Variants in XKR9 observed in about 807,000 individuals in gnomAD.
XKR9 encodes XK related 9.
A neutral mutation model predicts 32.0 loss-of-function variants in XKR9; 32 were observed. The observed-to-expected ratio is 1.00, with a 90% CI of 0.76 to 1.34. XKR9 has a LOEUF of 1.34. XKR9 is among the 40% of genes most tolerant of loss of function. The pLI is 0.00. For synonymous variants in XKR9, 168 were observed against 143.4 expected (o/e 1.17, Z -1.22); for missense variants, 546 against 429.7 (o/e 1.27, Z -2.39).
intron 2 of XKR9, among the ~76,000 whole-genome samples, chr8:70,775,236 TA>T (rs1158465749): frequency 4.6e-5 from 7 of 152,282 alleles, no homozygotes; most frequent in Admixed American, 2.6e-4. Flanking sequence ...AATTTTTTGG[TA>T]TTTTTTATGT....
At chr8:70,710,255 T>A (rs750814311) in intron 4 of XKR9, among the ~76,000 whole-genome samples, 5 of 152,220 alleles carry the variant, frequency 3.3e-5, no homozygotes, top group Non-Finnish European at 4.4e-5. Flanking sequence ...AGATTGAAAC[T>A]GGACTCCTTC....
At chr8:70,715,988 A>G (rs987278011) in intron 4 of XKR9, among the ~76,000 whole-genome samples, 3 of 152,090 alleles carry the variant, frequency 2.0e-5, no homozygotes, top group African/African-American at 7.2e-5. Context: ...TAAACCAAGA[A>G]AGATGATAGG....
At chr8:71,040,923 A>G in the XKR9 span, among the ~76,000 whole-genome samples, 1 of 152,192 alleles carries the variant, frequency 6.6e-6, no homozygotes, top group Non-Finnish European at 1.5e-5. Flanking sequence ...CAGAGTCCCC[A>G]AAGTAGAATT....
the XKR9 span, among the ~76,000 whole-genome samples, chr8:71,054,456 T>C: frequency 6.6e-6 from 1 of 152,184 alleles, no homozygotes; most frequent in Non-Finnish European, 1.5e-5. Flanking sequence ...ACATCTCTGC[T>C]CTGAGGTGAT....
chr8:70,799,203 G>C, the XKR9 span, among the ~76,000 whole-genome samples: 3 of 152,020 alleles, frequency 2.0e-5, no homozygotes, highest in South Asian at 6.2e-4. Flanking sequence ...TTTTTCATTT[G>C]TTTGGGTCAG....
At chr8:70,828,435 A>G in the XKR9 span, among the ~76,000 whole-genome samples, 5 of 152,168 alleles carry the variant, frequency 3.3e-5, no homozygotes, top group African/African-American at 9.7e-5. Context: ...AGTGTAATGT[A>G]TAAGAAAGAC....
the XKR9 span, among the ~76,000 whole-genome samples, chr8:71,039,245 G>C: frequency 1.3e-5 from 2 of 152,068 alleles, no homozygotes; most frequent in Non-Finnish European, 2.9e-5. Flanking sequence ...ACTTATAATG[G>C]GGTTACATCC....
the XKR9 span, among the ~76,000 whole-genome samples, chr8:70,854,356 C>T: frequency 6.6e-6 from 1 of 152,132 alleles, no homozygotes; most frequent in Non-Finnish European, 1.5e-5. Flanking sequence ...ATCCTTCGCC[C>T]ACTTGTTGAT....
rs1563477157 is a variant in XKR9 at position 70,776,923 on chromosome 8, T to TCTCTCTCTCTCTCTCTCTCTCTCTC, written n.353-12416_353-12415insCTCTCTCTCTCTCTCTCTCTCTCTC. On this transcript the variant is annotated intron_variant and non_coding_transcript_variant, in intron 2 of 3. Transcript: ENST00000520273. ...TGCATTTAGCAGGTTTTCTCTTTCT[T>TCTCTCTCTCTCTCTCTCTCTCTCTC]TCTCTCTCTCTCTCTCTCTCTCTCT... is the stretch of plus-strand genomic sequence containing the variant. Among the ~76,000 whole-genome samples, 17 of 59,616 alleles carry TCTCTCTCTCTCTCTCTCTCTCTCTC rather than the reference T, an allele frequency of 2.9e-4. 3 individuals carry two copies. Among genetic ancestry groups the TCTCTCTCTCTCTCTCTCTCTCTCTC allele is most frequent in the Non-Finnish European group, 4.8e-4 (15 of 31,116 alleles). 39.1% of individuals were successfully genotyped at this position (59,616 alleles called of 152,430 possible). A position where few individuals can be genotyped will look rare whatever the true frequency, so the allele number is the denominator to read the frequency against.
chr8:70,767,875 G>C (rs1013311706), intron 2 of XKR9, among the ~76,000 whole-genome samples: 3 of 152,066 alleles, frequency 2.0e-5, no homozygotes, highest in African/African-American at 2.4e-5. Context: ...CAAAAATCCA[G>C]CTCTTGGATT....
At chr8:70,921,448 T>G in the XKR9 span, among the ~76,000 whole-genome samples, 18 of 152,382 alleles carry the variant, frequency 1.2e-4, no homozygotes, top group Non-Finnish European at 2.2e-4. Context: ...GAATTGAGTT[T>G]AAACTGTCAG....
At chr8:70,957,686 C>T in the XKR9 span, among the ~76,000 whole-genome samples, 1 of 151,958 alleles carries the variant, frequency 6.6e-6, no homozygotes, top group Non-Finnish European at 1.5e-5. Flanking sequence ...GCTTCCAGCT[C>T]CATTCACATC....
At chr8:70,698,142 G>T (rs1438268195) in intron 3 of XKR9, among the ~76,000 whole-genome samples, 2 of 152,046 alleles carry the variant, frequency 1.3e-5, no homozygotes, top group Admixed American at 6.6e-5. Flanking sequence ...CCAGCTCCTG[G>T]ATTCATTAAT....
intron 3 of XKR9, among the ~76,000 whole-genome samples, chr8:70,690,765 T>C (rs1156490975): frequency 6.6e-6 from 1 of 152,220 alleles, no homozygotes; most frequent in Admixed American, 6.5e-5. Flanking sequence ...GATCTGGTTT[T>C]TTTATGGCTG....
the XKR9 span, among the ~76,000 whole-genome samples, chr8:70,879,511 C>A: frequency 6.6e-6 from 1 of 152,264 alleles, no homozygotes; most frequent in East Asian, 1.9e-4. Context: ...AAACTACCAT[C>A]AGAGAATACT....
rs1440700755 is a variant in XKR9 at position 70,742,315 on chromosome 8, A to C, written n.352+35162A>C. ...GAAATCTTCGGTTTACCTTGGGCAC[A>C]TGATTCTTGTATAATTACATAGCTC... On this transcript the variant is annotated intron_variant and non_coding_transcript_variant, in intron 2 of 3. Coordinates refer to the XKR9 transcript ENST00000520273. Among the ~76,000 whole-genome samples the C allele has an allele frequency of 2.6e-5, 4 of 152,326 alleles. No homozygotes were observed. The East Asian group carries it at 5.8e-4, about 22-fold the overall frequency.
chr8:70,879,928 C>A, the XKR9 span, among the ~76,000 whole-genome samples: 2 of 152,144 alleles, frequency 1.3e-5, no homozygotes, highest in South Asian at 4.1e-4. Context: ...TTATCCACCA[C>A]GATCGAATCG....
intron 2 of XKR9, among the ~76,000 whole-genome samples, chr8:70,746,940 C>T (rs1233311708): frequency 6.6e-6 from 1 of 152,016 alleles, no homozygotes; most frequent in African/African-American, 2.4e-5. Flanking sequence ...TTTTGGAATC[C>T]CCAGTGTTTA....
At chr8:70,687,939 A>G (rs974807874) in intron 3 of XKR9, among the ~76,000 whole-genome samples, 12 of 152,228 alleles carry the variant, frequency 7.9e-5, no homozygotes, top group African/African-American at 2.4e-4. Context: ...CTGGTATTCT[A>G]TAAATGAAAT....
Sources: gnomAD v4.1 joint callset for allele counts (sites outside exome capture counted in the v4.1 genomes callset) on GRCh38, gnomAD v4.1.1 for gene constraint, MANE v1.5 for transcripts, NCBI Gene and HGNC (gene_info 2026-07-23, HGNC 2026-07-21) for gene names.